The following CCDC13 variants were observed in gnomAD, a reference collection of about 807,000 sequenced individuals.
CCDC13 encodes the protein coiled-coil domain containing 13, also known as coiled-coil domain-containing protein 13.
In CCDC13, 70 loss-of-function variants were observed where a neutral mutation model predicts 87.3. The ratio of observed to expected loss-of-function variants is 0.80; its 90% CI spans 0.66 to 0.98. The LOEUF (loss-of-function observed/expected upper bound fraction) is 0.98. Among genes scored for constraint, CCDC13 ranks in the 50% least tolerant of loss-of-function variants. The pLI is 0.00. For missense variants in CCDC13, 842 were observed against 892.0 expected, an observed-to-expected ratio of 0.94 and a Z score of 0.71; for synonymous variants, 317 against 360.3, an observed-to-expected ratio of 0.88 and a Z score of 1.36.
At chr3:42,713,376 C>T (rs1308647559) in intron 13 of CCDC13, 60 bp from the exon 14 acceptor site, 4 of 1,580,910 alleles carry the variant, frequency 2.5e-6, no homozygotes, top group Non-Finnish European at 3.4e-6. Context: ...GGCCCTACCC[C>T]ACTTGCTCAG....
intron 14 of CCDC13, among the ~76,000 whole-genome samples, chr3:42,710,036 AC>A (rs1447486461): frequency 6.6e-6 from 1 of 151,404 alleles, no homozygotes; most frequent in African/African-American, 2.4e-5. Context: ...CTCGCTTTGT[AC>A]CAGGGTGGTT....
chr3:42,715,457 C>A (rs1213771042), intron 13 of CCDC13, among the ~76,000 whole-genome samples: 3 of 151,818 alleles, frequency 2.0e-5, no homozygotes, highest in African/African-American at 7.3e-5. Context: ...ACAAAAAATA[C>A]AAAAATAAGC....
At position 42,758,182 on chromosome 3, in the gene CCDC13, T is replaced by A; in HGVS notation, c.164A>T (p.Asp55Val). The change falls in exon 2 of 16, where the codon GAT becomes GTT. Residue 55 changes from aspartate (D) to valine (V), a missense_variant. Asp to Val is a radical substitution (Grantham distance 152). Coordinates refer to ENST00000310232, the MANE Select transcript of CCDC13 (RefSeq NM_144719.4). ...DDQEEPLEVS[D>V]GLSLLHAGEP... ...CCCTGCGTGGAGAAGGCTGAGGCCATCTGAAACCTCCAAGGGCTCCTCTTG... is the reference window on the plus strand; with the variant it reads ...CCCTGCGTGGAGAAGGCTGAGGCCAACTGAAACCTCCAAGGGCTCCTCTTG... The A allele has an allele frequency of 6.2e-7, 1 of 1,614,148 alleles. No homozygotes were observed. Among genetic ancestry groups the A allele is most frequent in the Non-Finnish European group, 8.5e-7 (1 of 1,180,028 alleles).
chr3:42,763,558 G>A (rs192472519), intron 1 of CCDC13, among the ~76,000 whole-genome samples: 1 of 149,270 alleles, frequency 6.7e-6, no homozygotes, highest in African/African-American at 2.5e-5. Context: ...AGGCTGGAGC[G>A]CAGTGGCACA....
chr3:42,714,255 G>A (rs1358763378), intron 13 of CCDC13: 1 of 152,126 alleles, frequency 6.6e-6, no homozygotes. Flanking sequence ...CCATTTTAGG[G>A]TCCATAACAA....
chr3:42,769,989 G>A (rs886148959), intron 1 of CCDC13, among the ~76,000 whole-genome samples: 3 of 152,234 alleles, frequency 2.0e-5, no homozygotes, highest in African/African-American at 2.4e-5. Flanking sequence ...CCTCCCCAAC[G>A]AGCGCCACCC....
At position 42,758,273 on chromosome 3, in the gene CCDC13, G is replaced by A. The variant is rs17238798; in HGVS notation, c.73C>T (p.Arg25Trp). ...FKAMQEMQHKRLQKQMEKKRE... is the reference protein window; with the variant it reads ...FKAMQEMQHKWLQKQMEKKRE... Reference sequence around the variant, plus strand: ...TTTTTCTCCATCTGCTTCTGTAACCGTTTGTGCTGCATCTCCTGCATTGCC... The same window carrying A: ...TTTTTCTCCATCTGCTTCTGTAACCATTTGTGCTGCATCTCCTGCATTGCC... The change falls in exon 2 of 16, where the codon CGG (arginine) becomes TGG (tryptophan). Residue 25 changes from arginine (R) to tryptophan (W), a missense_variant. Arg to Trp is a moderately radical substitution (Grantham distance 101, BLOSUM62 -3). Transcript: ENST00000310232. 0.26 allele frequency: 421,193 copies of A among 1,613,356 alleles called. 57,989 individuals carry two copies. The highest frequency in any genetic ancestry group is 0.28 in the Non-Finnish European group (329,995 of 1,179,954).
At chr3:42,756,940 G>T in intron 3 of CCDC13, 126 bp downstream of exon 3, 1 of 980,174 alleles carries the variant, frequency 1.0e-6, no homozygotes. Flanking sequence ...GGACTCCTCT[G>T]GACAAGCTTG....
At chr3:42,725,712 C>T (rs1698671120) in intron 13 of CCDC13, among the ~76,000 whole-genome samples, 3 of 152,024 alleles carry the variant, frequency 2.0e-5, no homozygotes, top group Admixed American at 2.0e-4. Context: ...CCAATAAATT[C>T]ACATAAAGTA....
chr3:42,745,927 C>G lies in CCDC13; in HGVS notation c.821G>C (p.Ser274Thr), dbSNP rs1295677752. 6.2e-7 allele frequency: 1 copy of G among 1,612,806 alleles called. No homozygotes were observed. The highest frequency in any genetic ancestry group is 1.7e-5 in the Admixed American group (1 of 60,016). Residue 274 changes from serine to threonine, a missense_variant, in exon 7 of 16, where the codon AGC becomes ACC. Coordinates refer to ENST00000310232, the MANE Select transcript of CCDC13 (RefSeq NM_144719.4). ...GAAGTCTGATGACTCACTCACCTTGCTCTGCAAAACAAGAATTTGTTGAGC... is the reference window on the plus strand; with the variant it reads ...GAAGTCTGATGACTCACTCACCTTGGTCTGCAAAACAAGAATTTGTTGAGC... ...GRAQQILVLQ[S>T]KVQELEKQLG... is the part of the protein sequence containing the mutation.
intron 1 of CCDC13, among the ~76,000 whole-genome samples, chr3:42,766,181 A>G (rs561319659): frequency 6.6e-6 from 1 of 152,262 alleles, no homozygotes; most frequent in Admixed American, 6.5e-5. Flanking sequence ...ACAGAGGAGC[A>G]GTTTTCCACG....
chr3:42,713,663 CTT>C (rs1258806910), intron 13 of CCDC13, among the ~76,000 whole-genome samples: 1 of 152,172 alleles, frequency 6.6e-6, no homozygotes, highest in Non-Finnish European at 1.5e-5. Flanking sequence ...TAAATATAAT[CTT>C]TTGACTTCCT....
intron 13 of CCDC13, among the ~76,000 whole-genome samples, chr3:42,729,758 C>T (rs1447139388): frequency 6.6e-6 from 1 of 152,240 alleles, no homozygotes; most frequent in East Asian, 1.9e-4. Context: ...CTGCCTTTCA[C>T]TGAATTCAGC....
chr3:42,732,909 T>C lies in CCDC13; in HGVS notation c.1573A>G (p.Ser525Gly). Residue 525 changes from serine to glycine, a missense_variant, in exon 12 of 16, where the codon AGT (serine) becomes GGT (glycine). Transcript: ENST00000310232. ...TACCTAGGTGAGGTCCTGTGGGGACTGGGCAGGGAAGGCCTCGTGAGAGCA... is the reference window on the plus strand; with the variant it reads ...TACCTAGGTGAGGTCCTGTGGGGACCGGGCAGGGAAGGCCTCGTGAGAGCA... Reference protein sequence around the residue: ...ESALTRPSLPSPHRTSPRFSD... With the variant: ...ESALTRPSLPGPHRTSPRFSD... The C allele has an allele frequency of 1.3e-6, 2 of 1,554,100 alleles. No homozygotes were observed. Among genetic ancestry groups the C allele is most frequent in the Non-Finnish European group, 1.7e-6 (2 of 1,148,082 alleles).
Position 42,761,105 on chromosome 3 carries a change from T to C in CCDC13, c.-6-2754A>G, listed in dbSNP as rs1166916191. On this transcript the variant is annotated intron_variant, in intron 1 of 15. Coordinates refer to ENST00000310232, the MANE Select transcript of CCDC13 (RefSeq NM_144719.4). ...GAATTATTAAATGCTCCCCTCACGATTTTAAAGTGTAGCCAGTGGTAAGCA... is the reference window on the plus strand; with the variant it reads ...GAATTATTAAATGCTCCCCTCACGACTTTAAAGTGTAGCCAGTGGTAAGCA... Among the ~76,000 whole-genome samples, 4 of 152,320 alleles carry C rather than the reference T, an allele frequency of 2.6e-5. No individual in the cohort carries two copies. The East Asian group carries it at 7.7e-4, about 29-fold the overall frequency.
chr3:42,767,119 C>G (rs888164820), intron 1 of CCDC13, among the ~76,000 whole-genome samples: 85 of 151,742 alleles, frequency 5.6e-4, no homozygotes, highest in African/African-American at 2.0e-3. Context: ...ATAAAATTGC[C>G]TTGGTTGCAG....
At chr3:42,770,089 C>A (rs1004577546) in intron 1 of CCDC13, among the ~76,000 whole-genome samples, 4 of 152,232 alleles carry the variant, frequency 2.6e-5, no homozygotes, top group African/African-American at 7.2e-5. Flanking sequence ...CGCCTGGGGC[C>A]CTGGTGCAGG....
At chr3:42,761,826 T>C (rs1175277912) in intron 1 of CCDC13, among the ~76,000 whole-genome samples, 2 of 152,160 alleles carry the variant, frequency 1.3e-5, no homozygotes, top group African/African-American at 4.8e-5. Flanking sequence ...TCTGTTCCTA[T>C]ACCTCCTTCT....
chr3:42,750,683 G>A (rs562462296), intron 5 of CCDC13, among the ~76,000 whole-genome samples: 303 of 152,298 alleles, frequency 2.0e-3, no homozygotes, highest in African/African-American at 7.1e-3. Flanking sequence ...GGCCAGGCTG[G>A]TCTCGAACTC....
Sources: gnomAD v4.1 joint callset for allele counts (sites outside exome capture counted in the v4.1 genomes callset) on GRCh38, gnomAD v4.1.1 for gene constraint, MANE v1.5 for transcripts, NCBI Gene and HGNC (gene_info 2026-07-23, HGNC 2026-07-21) for gene names.